Variants in SCARB2 observed in about 807,000 individuals in gnomAD.
SCARB2 encodes the protein lysosome membrane protein 2.
SCARB2 carries 29 observed loss-of-function variants against 58.6 expected under a neutral mutation model. The ratio of observed to expected loss-of-function variants is 0.49; its 90% CI spans 0.37 to 0.67. The LOEUF is 0.67. Among genes scored for constraint, SCARB2 ranks in the 30% least tolerant of loss-of-function variants. The pLI, the probability that SCARB2 is intolerant of heterozygous loss-of-function variation, is 0.00. For synonymous variants in SCARB2, 195 were observed against 210.1 expected, an observed-to-expected ratio of 0.93 and a Z score of 0.62; for missense variants, 488 against 578.5, an observed-to-expected ratio of 0.84 and a Z score of 1.60.
At position 76,213,705 on chromosome 4, in the gene SCARB2, C is replaced by G; in HGVS notation, c.-162G>C. 1.8e-6 allele frequency: 1 copy of G among 550,182 alleles called. No individual in the cohort carries two copies. The highest frequency in any genetic ancestry group is 3.1e-6 in the Non-Finnish European group (1 of 320,996). The allele number at this position is 550,182 out of a possible 1,614,324, so 34.1% of individuals were successfully genotyped here. ...TGCGCGCAGCTCTGGGCTCCGCGGC[C>G]TGGCGAGCGCGGCCCCGGGTGCACC... is the stretch of plus-strand genomic sequence containing the variant. On this transcript the variant is annotated 5_prime_UTR_variant, in exon 1 of 12. Coordinates refer to ENST00000264896, the MANE Select transcript of SCARB2 (RefSeq NM_005506.4).
Position 76,161,660 on chromosome 4 carries a change from A to G in SCARB2, c.*53T>C. On this transcript the variant is annotated 3_prime_UTR_variant, in exon 12 of 12. Transcript: ENST00000264896. ...AGGAGGTGGAGGGTTTCCCCACGTC[A>G]TCGTCCAGGTCAGGACAGCTCACAC... 6.3e-7 allele frequency: 1 copy of G among 1,595,692 alleles called. No homozygotes were observed. The highest frequency in any genetic ancestry group is 8.6e-7 in the Non-Finnish European group (1 of 1,163,158).
chr4:76,182,916 T>C (rs1560711477), intron 2 of SCARB2, among the ~76,000 whole-genome samples: 2 of 151,034 alleles, frequency 1.3e-5, no homozygotes, highest in Admixed American at 6.6e-5. Flanking sequence ...CTATCGTCAT[T>C]GGAGGGGCAT....
chr4:76,233,143 C>G (rs1198467313), intron 1 of SCARB2, among the ~76,000 whole-genome samples: 1 of 152,190 alleles, frequency 6.6e-6, no homozygotes, highest in Non-Finnish European at 1.5e-5. Context: ...TTCCAGTAGT[C>G]TCAATTACAT....
chr4:76,186,593 G>A lies in SCARB2; in HGVS notation c.276-5492C>T, dbSNP rs375216710. 3.3e-4 allele frequency among the ~76,000 whole-genome samples: 51 copies of A among 152,242 alleles called. No homozygotes were observed. The South Asian group carries it at 5.6e-3, about 17-fold the overall frequency. ...GAGAAGAAGTGGTAAGAGCAGGGTC[G>A]GGAGAAGACTCACCCGCTTGTTGAC... On this transcript the variant is annotated intron_variant, in intron 2 of 11. Coordinates refer to ENST00000264896, the MANE Select transcript of SCARB2 (RefSeq NM_005506.4).
rs762430666 is a variant in SCARB2, at chr4:76,175,882, A to G, written c.733T>C (p.Cys245Arg). ...TSLDWWITDK[C>R]NMINGTDGDS... is the part of the protein sequence containing the mutation. ...CCATCTGTTCCATTAATCATATTGCACTTGTCTGTTATCCACCAGTCAAGT... is the reference window on the plus strand; with the variant it reads ...CCATCTGTTCCATTAATCATATTGCGCTTGTCTGTTATCCACCAGTCAAGT... The change falls in exon 6 of 12, where the codon TGC becomes CGC. Residue 245 changes from cysteine to arginine, a missense_variant. Physicochemically the swap from Cys to Arg is radical, Grantham distance 180. Coordinates refer to ENST00000264896, the MANE Select transcript of SCARB2 (RefSeq NM_005506.4). The G allele has an allele frequency of 1.2e-6, 2 of 1,613,842 alleles. No homozygotes were observed. Among genetic ancestry groups the G allele is most frequent in the Non-Finnish European group, 8.5e-7 (1 of 1,179,970 alleles).
chr4:76,213,415 G>T lies in SCARB2; in HGVS notation c.117+12C>A. 1.3e-6 allele frequency: 2 copies of T among 1,571,426 alleles called. No individual in the cohort carries two copies. Among genetic ancestry groups the T allele is most frequent in the Non-Finnish European group, 1.7e-6 (2 of 1,148,046 alleles). ...CGACTCCACAACACACACACAGCCCGCCCCGCCTCACCTTCTCGATACTCT... is the reference window on the plus strand; with the variant it reads ...CGACTCCACAACACACACACAGCCCTCCCCGCCTCACCTTCTCGATACTCT... On this transcript the variant is annotated intron_variant, in intron 1 of 11. Coordinates refer to ENST00000264896, the MANE Select transcript of SCARB2 (RefSeq NM_005506.4).
chr4:76,216,129 C>T (rs983125333), upstream of SCARB2, among the ~76,000 whole-genome samples: 1 of 152,128 alleles, frequency 6.6e-6, no homozygotes, highest in Non-Finnish European at 1.5e-5. Flanking sequence ...TGTCCACAAT[C>T]GGCAGCCTTT....
At position 76,168,456 on chromosome 4, in the gene SCARB2, T is replaced by C; in HGVS notation, c.1134A>G (p.Lys378=). 1 of 1,614,038 alleles carries C rather than the reference T, an allele frequency of 6.2e-7. No homozygotes were observed. The highest frequency in any genetic ancestry group is 8.5e-7 in the Non-Finnish European group (1 of 1,179,924). ...TGTTGATTTGGAACCTCTTGGCTGC[T>C]TTTAGGATTATTCCAGTCAACTGCA... is the stretch of plus-strand genomic sequence containing the variant. ...DINPLTGIIL[K]AAKRFQINIY... is the part of the protein sequence containing the mutation. Residue 378 remains lysine (K), a synonymous_variant, in exon 9 of 12, where the codon AAA becomes AAG. Transcript: ENST00000264896.
chr4:76,221,352 C>G (rs951133221), intron 1 of SCARB2, among the ~76,000 whole-genome samples: 17 of 152,174 alleles, frequency 1.1e-4, no homozygotes, highest in African/African-American at 4.1e-4. Flanking sequence ...AAGTTTCGCT[C>G]TTGTTGCTCA....
chr4:76,217,623 C>T (rs1448841137), upstream of SCARB2: 2 of 630,046 alleles, frequency 3.2e-6, no homozygotes, highest in South Asian at 1.9e-5. Context: ...GATGTCTGTG[C>T]CGTGCGTCTT....
At chr4:76,185,100 A>C (rs1255713876) in intron 2 of SCARB2, among the ~76,000 whole-genome samples, 2 of 152,234 alleles carry the variant, frequency 1.3e-5, no homozygotes, top group Non-Finnish European at 2.9e-5. Context: ...GGACCAATCG[A>C]AAGTGTCAGG....
intron 2 of SCARB2, 60 bp from the exon 3 acceptor site, chr4:76,181,161 T>G (rs949744463): frequency 2.0e-5 from 31 of 1,532,164 alleles, no homozygotes; most frequent in Non-Finnish European, 2.8e-5. Context: ...GCAAGACTTT[T>G]CCTTTCTTTC....
intron 1 of SCARB2, among the ~76,000 whole-genome samples, chr4:76,227,696 T>C (rs1396614165): frequency 1.3e-5 from 2 of 152,174 alleles, no homozygotes; most frequent in Non-Finnish European, 2.9e-5. Flanking sequence ...TTTTATAAAT[T>C]TGGGAGCTCC....
chr4:76,221,022 C>G (rs895545863), intron 1 of SCARB2, among the ~76,000 whole-genome samples: 3 of 152,162 alleles, frequency 2.0e-5, no homozygotes, highest in African/African-American at 7.2e-5. Context: ...CCCCAAGGTC[C>G]CTCACTGATT....
At position 76,169,989 on chromosome 4, in the gene SCARB2, C is replaced by T. The variant is rs771106332; in HGVS notation, c.995-4G>A. 11 of 1,606,432 alleles carry T rather than the reference C, an allele frequency of 6.8e-6. No individual in the cohort carries two copies. In the East Asian group the frequency reaches 2.5e-4, roughly 36 times the overall value. On this transcript the variant is annotated splice_region_variant and splice_polypyrimidine_tract_variant and intron_variant, in intron 7 of 11. Transcript: ENST00000264896. Reference sequence around the variant, plus strand: ...AAAGACATAATGATGGGTGCACCTGCATTTGAAGGAAAACAGAAATGAATG... The same window carrying T: ...AAAGACATAATGATGGGTGCACCTGTATTTGAAGGAAAACAGAAATGAATG...
rs3796498 is a variant in SCARB2, at chr4:76,174,787, C to T, written c.825-474G>A. The T allele has an allele frequency of 4.7e-3, 746 of 160,060 alleles. 35 individuals are homozygous for T. The East Asian group carries it at 0.12, about 25-fold the overall frequency. The allele number at this position is 160,060 out of a possible 1,614,324, so 9.9% of individuals were successfully genotyped here. Reference sequence around the variant, plus strand: ...TGGACAGATACTTTATTGGAATACACACTTTGATACTCAATCCCCCCCTCC... The same window carrying T: ...TGGACAGATACTTTATTGGAATACATACTTTGATACTCAATCCCCCCCTCC... On this transcript the variant is annotated intron_variant, in intron 6 of 11. Transcript: ENST00000264896.
intron 1 of SCARB2, among the ~76,000 whole-genome samples, chr4:76,208,613 G>C (rs544526862): frequency 6.6e-6 from 1 of 152,338 alleles, no homozygotes; most frequent in African/African-American, 2.4e-5. Flanking sequence ...AGAGGAAAAA[G>C]TGGGAGGCAG....
rs1008826118 is a variant in SCARB2, at chr4:76,159,011, C to T, written c.*2702G>A. Reference sequence around the variant, plus strand: ...CCCAATAGGGGTTAGTCGTGTAGTGCTTGTTCCACTTGACCATTAGTGATC... The same window carrying T: ...CCCAATAGGGGTTAGTCGTGTAGTGTTTGTTCCACTTGACCATTAGTGATC... On this transcript the variant is annotated 3_prime_UTR_variant, in exon 12 of 12. Transcript: ENST00000264896. 1.3e-5 allele frequency: 2 copies of T among 152,146 alleles called. No homozygotes were observed. The highest frequency in any genetic ancestry group is 2.9e-5 in the Non-Finnish European group (2 of 68,032). 9.4% of individuals were successfully genotyped at this position (152,146 alleles called of 1,614,324 possible).
At chr4:76,205,997 G>C (rs569536931) in intron 1 of SCARB2, among the ~76,000 whole-genome samples, 6 of 152,314 alleles carry the variant, frequency 3.9e-5, no homozygotes, top group African/African-American at 1.4e-4. Flanking sequence ...AAACTCCTTT[G>C]TTGATATCCT....
Sources: gnomAD v4.1 joint callset for allele counts (sites outside exome capture counted in the v4.1 genomes callset) on GRCh38, gnomAD v4.1.1 for gene constraint, MANE v1.5 for transcripts, NCBI Gene and HGNC (gene_info 2026-07-23, HGNC 2026-07-21) for gene names.